ALK: variants seen among roughly 807,000 people sequenced by gnomAD.
ALK encodes the protein ALK receptor tyrosine kinase, also known as ALK tyrosine kinase receptor.
In ALK, 74 loss-of-function variants were observed where a neutral mutation model predicts 163.1. The ratio of observed to expected loss-of-function variants is 0.45; its 90% CI spans 0.38 to 0.55. ALK has a LOEUF of 0.55. Among genes scored for constraint, ALK ranks in the 20% least tolerant of loss-of-function variants. The probability of loss-of-function intolerance (pLI) is 0.00; values close to 1 mark genes in which losing one functional copy is unlikely to be tolerated. For missense variants in ALK, 2,063 were observed against 2,105.3 expected, an observed-to-expected ratio of 0.98 and a Z score of 0.39; for synonymous variants, 960 against 843.2, an observed-to-expected ratio of 1.14 and a Z score of -2.40.
intron 1 of ALK, among the ~76,000 whole-genome samples, chr2:29,861,141 C>T (rs182457709): frequency 3.3e-5 from 5 of 152,300 alleles, no homozygotes; most frequent in African/African-American, 1.2e-4. Flanking sequence ...CATTGCACTC[C>T]AGCCTGAGCG....
intron 3 of ALK, among the ~76,000 whole-genome samples, chr2:29,573,249 T>C (rs756623293): frequency 2.0e-5 from 3 of 152,198 alleles, no homozygotes; most frequent in Admixed American, 6.5e-5. Context: ...TACCTGTTGC[T>C]TGATGCAATT....
At chr2:29,519,792 G>T (rs1672764133) in intron 4 of ALK, among the ~76,000 whole-genome samples, 1 of 152,186 alleles carries the variant, frequency 6.6e-6, no homozygotes, top group Non-Finnish European at 1.5e-5. Flanking sequence ...TCACTCTGAG[G>T]CCTGCAGGTG....
chr2:29,621,502 C>T (rs1676036682), intron 3 of ALK, among the ~76,000 whole-genome samples: 2 of 152,176 alleles, frequency 1.3e-5, no homozygotes, highest in South Asian at 2.1e-4. Flanking sequence ...ACTGATTTCA[C>T]ACTCCATGTA....
chr2:29,770,617 A>G (rs1680992871), intron 1 of ALK, among the ~76,000 whole-genome samples: 1 of 152,262 alleles, frequency 6.6e-6, no homozygotes, highest in Admixed American at 6.5e-5. Flanking sequence ...ATTTAAAAGA[A>G]GATAAATTAC....
At chr2:29,908,403 T>C (rs1667608332) in intron 1 of ALK, among the ~76,000 whole-genome samples, 1 of 152,208 alleles carries the variant, frequency 6.6e-6, no homozygotes. Flanking sequence ...CTGGGCATTA[T>C]TTTGGCTCTT....
At chr2:29,201,534 T>C (rs1373873055) in intron 26 of ALK, among the ~76,000 whole-genome samples, 1 of 152,124 alleles carries the variant, frequency 6.6e-6, no homozygotes, top group African/African-American at 2.4e-5. Flanking sequence ...ATGCCTGTAA[T>C]CTCAGCATTT....
At chr2:29,484,705 T>C (rs1445279370) in intron 4 of ALK, among the ~76,000 whole-genome samples, 2 of 152,208 alleles carry the variant, frequency 1.3e-5, no homozygotes, top group Admixed American at 6.5e-5. Context: ...CATCCTTCAA[T>C]AGTCTTTTCA....
intron 3 of ALK, among the ~76,000 whole-genome samples, chr2:29,618,701 C>G (rs1370033326): frequency 1.3e-5 from 2 of 152,202 alleles, no homozygotes; most frequent in East Asian, 3.8e-4. Context: ...AAACACTTGG[C>G]CAGGTGCGGT....
chr2:29,835,145 T>C (rs985076615), intron 1 of ALK, among the ~76,000 whole-genome samples: 2 of 152,350 alleles, frequency 1.3e-5, no homozygotes, highest in Admixed American at 6.5e-5. Context: ...TGCTAGCAGC[T>C]AGCAAATAAT....
At chr2:29,792,557 C>G (rs757696884) in intron 1 of ALK, among the ~76,000 whole-genome samples, 36 of 152,040 alleles carry the variant, frequency 2.4e-4, no homozygotes, top group Non-Finnish European at 5.1e-4. Context: ...TTAGATAAGA[C>G]AGGATTTTCT....
chr2:29,387,820 C>G (rs1669068761), intron 4 of ALK, among the ~76,000 whole-genome samples: 1 of 152,152 alleles, frequency 6.6e-6, no homozygotes, highest in South Asian at 2.1e-4. Context: ...AAGTCTTGCT[C>G]AAGGTCACAC....
At chr2:29,222,822 G>A (rs904387310) in intron 20 of ALK, among the ~76,000 whole-genome samples, 1 of 152,140 alleles carries the variant, frequency 6.6e-6, no homozygotes, top group African/African-American at 2.4e-5. Context: ...TTCCAACCAG[G>A]GACTCATGAC....
At chr2:29,235,908 A>G (rs1346833157) in intron 13 of ALK, among the ~76,000 whole-genome samples, 1 of 98,972 alleles carries the variant, frequency 1.0e-5, no homozygotes, top group Non-Finnish European at 1.9e-5. Flanking sequence ...GGGTCTTGCT[A>G]TGTTGCCCAG....
intron 3 of ALK, among the ~76,000 whole-genome samples, chr2:29,635,279 G>C (rs2339552): frequency 0.63 from 96,244 of 152,050 alleles, 31,542 homozygotes; most frequent in Middle Eastern, 0.75. Flanking sequence ...ACTAAATATT[G>C]CCTTATAAGG....
chr2:29,226,201 A>G (rs1056040519), intron 18 of ALK, among the ~76,000 whole-genome samples: 1 of 152,092 alleles, frequency 6.6e-6, no homozygotes, highest in African/African-American at 2.4e-5. Context: ...GGATGGGGCC[A>G]GGTGCGGTGG....
At chr2:29,517,826 C>A (rs569845320) in intron 4 of ALK, among the ~76,000 whole-genome samples, 2 of 152,080 alleles carry the variant, frequency 1.3e-5, no homozygotes, top group African/African-American at 4.8e-5. Context: ...GACTTCTGGC[C>A]GTATGATTTG....
chr2:29,540,594 A>ATTT (rs772220187), intron 3 of ALK, among the ~76,000 whole-genome samples: 2,588 of 51,570 alleles, frequency 0.05, 62 homozygotes, highest in African/African-American at 0.097. Context: ...TTTTTTTTTA[A>ATTT]AAAAAAAAAA....
intron 1 of ALK, among the ~76,000 whole-genome samples, chr2:29,768,609 A>G (rs530476170): frequency 6.6e-6 from 1 of 152,286 alleles, no homozygotes; most frequent in East Asian, 1.9e-4. Context: ...AATGGACAAA[A>G]TTTGACCAGG....
At chr2:29,498,510 T>A (rs149807712) in intron 4 of ALK, among the ~76,000 whole-genome samples, 19 of 152,276 alleles carry the variant, frequency 1.2e-4, no homozygotes, top group African/African-American at 4.6e-4. Context: ...ATCAGTGCCA[T>A]GTCTATTGTC....
Sources: gnomAD v4.1 joint callset for allele counts (sites outside exome capture counted in the v4.1 genomes callset) on GRCh38, gnomAD v4.1.1 for gene constraint, MANE v1.5 for transcripts, NCBI Gene and HGNC (gene_info 2026-07-23, HGNC 2026-07-21) for gene names.